Variants in ERC2 observed in about 807,000 individuals in gnomAD.
ERC2 encodes the protein ERC protein 2.
ERC2 carries 42 observed loss-of-function variants against 114.8 expected under a neutral mutation model. The ratio of observed to expected loss-of-function variants is 0.37; its 90% CI spans 0.29 to 0.47. The LOEUF (loss-of-function observed/expected upper bound fraction) is 0.47, where lower values mean the gene tolerates loss of function less well. Among genes scored for constraint, ERC2 ranks in the 20% least tolerant of loss-of-function variants. ERC2 has a pLI of 0.99. For missense variants in ERC2, 939 were observed against 1,150.7 expected, an observed-to-expected ratio of 0.82 and a Z score of 2.66; for synonymous variants, 454 against 425.5, an observed-to-expected ratio of 1.07 and a Z score of -0.82.
intron 14 of ERC2, among the ~76,000 whole-genome samples, chr3:55,812,739 C>T (rs908669887): frequency 1.3e-5 from 2 of 152,210 alleles, no homozygotes; most frequent in African/African-American, 4.8e-5. Context: ...ATGGGTGTAT[C>T]TCAGGGCAAG....
intron 13 of ERC2, among the ~76,000 whole-genome samples, chr3:55,894,160 T>C (rs1224915587): frequency 1.3e-5 from 2 of 152,120 alleles, no homozygotes; most frequent in Non-Finnish European, 2.9e-5. Flanking sequence ...ATTGATTTCA[T>C]GTAAGAAAAA....
intron 13 of ERC2, among the ~76,000 whole-genome samples, chr3:55,917,887 A>T (rs1230305333): frequency 1.3e-5 from 2 of 152,144 alleles, no homozygotes; most frequent in African/African-American, 4.8e-5. Flanking sequence ...TCTCATCCAG[A>T]CCAAAAGTCT....
At chr3:56,292,607 AAAAAG>A (rs2055167794) in intron 3 of ERC2, among the ~76,000 whole-genome samples, 1 of 151,928 alleles carries the variant, frequency 6.6e-6, no homozygotes, top group African/African-American at 2.4e-5. Flanking sequence ...CCCCCGCAAA[AAAAAG>A]AAAAGAAAAG....
intron 14 of ERC2, among the ~76,000 whole-genome samples, chr3:55,882,714 A>T (rs754534414): frequency 1.3e-5 from 2 of 152,218 alleles, no homozygotes; most frequent in Admixed American, 6.5e-5. Context: ...ATGCCATTTT[A>T]TATCAGGGAC....
chr3:56,393,546 G>T (rs1236012948), intron 2 of ERC2, among the ~76,000 whole-genome samples: 1 of 152,112 alleles, frequency 6.6e-6, no homozygotes, highest in East Asian at 1.9e-4. Flanking sequence ...GTAATTCATT[G>T]TTTGTGTAGC....
intron 17 of ERC2, among the ~76,000 whole-genome samples, chr3:55,637,078 C>T (rs1393731709): frequency 1.3e-5 from 2 of 152,192 alleles, no homozygotes; most frequent in Admixed American, 6.5e-5. Context: ...CTGGCCCATC[C>T]AGTATAACAG....
intron 14 of ERC2, among the ~76,000 whole-genome samples, chr3:55,780,982 T>C (rs1279109649): frequency 6.6e-6 from 1 of 152,152 alleles, no homozygotes; most frequent in Non-Finnish European, 1.5e-5. Flanking sequence ...AGAATAGCAA[T>C]AAAGGGCTCT....
At chr3:56,436,224 C>G (rs2062011905) in intron 1 of ERC2, among the ~76,000 whole-genome samples, 1 of 152,186 alleles carries the variant, frequency 6.6e-6, no homozygotes, top group African/African-American at 2.4e-5. Context: ...TAATACTAAC[C>G]AGCTGAGTAA....
intron 14 of ERC2, among the ~76,000 whole-genome samples, chr3:55,843,437 T>C (rs1025096915): frequency 1.1e-4 from 16 of 152,170 alleles, no homozygotes; most frequent in African/African-American, 3.6e-4. Flanking sequence ...GATAAAAATA[T>C]TGAATGATAT....
intron 2 of ERC2, among the ~76,000 whole-genome samples, chr3:56,365,428 T>C (rs1277958245): frequency 6.6e-6 from 1 of 152,194 alleles, no homozygotes; most frequent in East Asian, 1.9e-4. Flanking sequence ...TAGGTTTGTG[T>C]AAGTACACTC....
intron 17 of ERC2, among the ~76,000 whole-genome samples, chr3:55,676,978 C>T (rs1012163021): frequency 2.6e-5 from 4 of 152,128 alleles, no homozygotes; most frequent in African/African-American, 7.2e-5. Context: ...CCAGGTAACC[C>T]TTATGAGCTC....
chr3:55,879,161 G>C (rs1335047795), intron 14 of ERC2, among the ~76,000 whole-genome samples: 2 of 128,890 alleles, frequency 1.6e-5, no homozygotes, highest in African/African-American at 3.0e-5. Context: ...GAACGAAAAA[G>C]AGCCCAGCAT....
intron 14 of ERC2, among the ~76,000 whole-genome samples, chr3:55,862,996 G>A (rs1439613576): frequency 1.3e-5 from 2 of 152,038 alleles, no homozygotes; most frequent in African/African-American, 2.4e-5. Flanking sequence ...CACATTAATG[G>A]GTGTCCTTTA....
At chr3:56,372,840 T>G (rs2059405041) in intron 2 of ERC2, among the ~76,000 whole-genome samples, 1 of 152,154 alleles carries the variant, frequency 6.6e-6, no homozygotes, top group Non-Finnish European at 1.5e-5. Flanking sequence ...AACCGCTAAT[T>G]CACAATGCTA....
At chr3:56,239,495 G>T (rs1378913124) in intron 3 of ERC2, among the ~76,000 whole-genome samples, 1 of 152,094 alleles carries the variant, frequency 6.6e-6, no homozygotes, top group Admixed American at 6.5e-5. Flanking sequence ...GACAGAGTGA[G>T]TCTCTGTCTG....
At chr3:56,419,977 G>A (rs1261188122) in intron 2 of ERC2, among the ~76,000 whole-genome samples, 1 of 152,092 alleles carries the variant, frequency 6.6e-6, no homozygotes, top group African/African-American at 2.4e-5. Flanking sequence ...TGGCCATCAT[G>A]TGCACTGTCC....
intron 6 of ERC2, among the ~76,000 whole-genome samples, chr3:56,128,579 C>A (rs547233787): frequency 6.6e-6 from 1 of 152,228 alleles, no homozygotes; most frequent in Non-Finnish European, 1.5e-5. Context: ...TGTCCTTACC[C>A]AAATGTACTT....
intron 15 of ERC2, among the ~76,000 whole-genome samples, chr3:55,718,363 C>T (rs1223411567): frequency 6.6e-6 from 1 of 152,112 alleles, no homozygotes; most frequent in Non-Finnish European, 1.5e-5. Flanking sequence ...GCATGACTGA[C>T]CACCAAACTA....
intron 16 of ERC2, among the ~76,000 whole-genome samples, chr3:55,692,546 A>G (rs2148806996): frequency 6.6e-6 from 1 of 152,276 alleles, no homozygotes; most frequent in Non-Finnish European, 1.5e-5. Context: ...GCAGTACCCA[A>G]GGCTCAGGTG....
Sources: allele counts gnomAD v4.1 joint callset (sites outside exome capture counted in the v4.1 genomes callset), GRCh38; gene constraint gnomAD v4.1.1; transcripts MANE v1.5; gene names NCBI Gene and HGNC (gene_info 2026-07-23, HGNC 2026-07-21).